Variants in NRCAM observed in about 807,000 individuals in gnomAD.
NRCAM encodes the protein NgCAM-related cell adhesion molecule.
A neutral mutation model predicts 156.5 loss-of-function variants in NRCAM; 83 were observed. The observed-to-expected ratio is 0.53, with a 90% CI of 0.44 to 0.64. The LOEUF (loss-of-function observed/expected upper bound fraction) is 0.64. Among genes scored for constraint, NRCAM ranks in the 30% least tolerant of loss-of-function variants. The pLI, the probability that NRCAM is intolerant of heterozygous loss-of-function variation, is 0.00. For missense variants in NRCAM, 1,417 were observed against 1,597.3 expected (o/e 0.89, Z 1.92); for synonymous variants, 538 against 563.9 (o/e 0.95, Z 0.65).
At chr7:108,232,601 T>C (rs552537650) in intron 6 of NRCAM, 79 bp from the exon 7 acceptor site, 3 of 992,504 alleles carry the variant, frequency 3.0e-6, no homozygotes, top group African/African-American at 3.3e-5. Flanking sequence ...AGCAGTTTTA[T>C]GGGTTTCTAG....
rs563609717 is a variant in NRCAM at position 108,166,581 on chromosome 7, T to A, written c.3466+340A>T. 4.6e-5 allele frequency among the ~76,000 whole-genome samples: 7 copies of A among 152,250 alleles called. No homozygotes were observed. The East Asian group carries it at 1.2e-3, about 25-fold the overall frequency. ...GACTTTCTTATAAGTTCTTTCATCT[T>A]CAAAAGCACTTAAAAAATTTCAGTT... On this transcript the variant is annotated intron_variant, in intron 30 of 32. Transcript: ENST00000379028.
chr7:108,175,328 C>A lies in NRCAM; in HGVS notation c.3181G>T (p.Gly1061Cys). Residue 1061 changes from glycine (G) to cysteine (C), a missense_variant, in exon 28 of 33, where the codon GGC (glycine) becomes TGC (cysteine). This residue lies in a region of NRCAM where 1,238 missense variants were observed against 1,336.4 expected (regional missense o/e 0.93). Transcript: ENST00000379028. ...TGCAGATGAATTATTTTACCTTTGC[C>A]TGCACCTACATCAGGTGGAAGAATA... ...AGILPPDVGA[G>C]KVQAVNPRIS... 6.4e-7 allele frequency: 1 copy of A among 1,559,576 alleles called. No homozygotes were observed.
At chr7:108,166,652 C>A (rs527798219) in intron 30 of NRCAM, among the ~76,000 whole-genome samples, 221 of 152,284 alleles carry the variant, frequency 1.5e-3, no homozygotes, top group African/African-American at 5.1e-3. Context: ...CAATTGAATT[C>A]TTTAAATAAT....
chr7:108,231,610 G>C (rs987748114), intron 7 of NRCAM, among the ~76,000 whole-genome samples: 1 of 152,182 alleles, frequency 6.6e-6, no homozygotes, highest in African/African-American at 2.4e-5. Flanking sequence ...AAGGTTGTAA[G>C]ATAGTATTTC....
At chr7:108,386,100 G>A (rs2154366507) in intron 2 of NRCAM, among the ~76,000 whole-genome samples, 1 of 152,172 alleles carries the variant, frequency 6.6e-6, no homozygotes, top group East Asian at 1.9e-4. Flanking sequence ...AAGGATGCAG[G>A]AACTAGAAAT....
At chr7:108,189,570 T>G in intron 20 of NRCAM, 75 bp downstream of exon 20, 1 of 726,832 alleles carries the variant, frequency 1.4e-6, no homozygotes, top group South Asian at 1.6e-5. Flanking sequence ...TGTGAGGAAA[T>G]TCAGCTGACT....
intron 4 of NRCAM, 53 bp downstream of exon 4, chr7:108,239,906 T>C: frequency 2.8e-6 from 3 of 1,089,698 alleles, no homozygotes; most frequent in Non-Finnish European, 1.4e-6. Flanking sequence ...TGATGATAAA[T>C]GCTGGGAGGC....
chr7:108,307,445 T>C (rs2098733687), intron 3 of NRCAM, among the ~76,000 whole-genome samples: 1 of 152,236 alleles, frequency 6.6e-6, no homozygotes, highest in Admixed American at 6.5e-5. Flanking sequence ...CACCATATCC[T>C]ACTCGACTCT....
At chr7:108,342,454 G>A (rs1345732537) in intron 2 of NRCAM, among the ~76,000 whole-genome samples, 3 of 152,180 alleles carry the variant, frequency 2.0e-5, no homozygotes, top group South Asian at 4.1e-4. Context: ...TCCCAGGTAC[G>A]GCGAAATAGC....
At chr7:108,271,671 T>C (rs2300007) in intron 3 of NRCAM, among the ~76,000 whole-genome samples, 6,479 of 150,662 alleles carry the variant, frequency 0.043, 186 homozygotes, top group South Asian at 0.11. Flanking sequence ...CCAGCCTGGG[T>C]GACAACAGTG....
Position 108,178,083 on chromosome 7 carries a change from C to A in NRCAM, c.2881G>T (p.Val961Leu). ...GTGAGAGAGTCCAGTGTTGGATTCA[C>A]AATCTTCAAAGACGAGGGAGCACTG... ...VPSAPSSLKIVNPTLDSLTLE... is the reference protein window; with the variant it reads ...VPSAPSSLKILNPTLDSLTLE... Residue 961 changes from valine to leucine, a missense_variant, in exon 26 of 33, where the codon GTG becomes TTG. Physicochemically the swap from Val to Leu is conservative, Grantham distance 32 (BLOSUM62 1). Transcript: ENST00000379028. 6.2e-7 allele frequency: 1 copy of A among 1,613,372 alleles called. No individual in the cohort carries two copies. Among genetic ancestry groups the A allele is most frequent in the Non-Finnish European group, 8.5e-7 (1 of 1,179,620 alleles).
intron 2 of NRCAM, among the ~76,000 whole-genome samples, chr7:108,332,256 T>A (rs547607082): frequency 3.4e-4 from 52 of 152,306 alleles, no homozygotes; most frequent in African/African-American, 1.2e-3. Context: ...ATAGGCAAAA[T>A]GCCAAAATTC....
chr7:108,291,957 A>T (rs1395236771), intron 3 of NRCAM, among the ~76,000 whole-genome samples: 1 of 152,210 alleles, frequency 6.6e-6, no homozygotes, highest in Non-Finnish European at 1.5e-5. Flanking sequence ...AAGCAGTTAA[A>T]GCTAAAGAAT....
intron 1 of NRCAM, among the ~76,000 whole-genome samples, chr7:108,415,637 T>G (rs951749754): frequency 1.3e-5 from 2 of 152,166 alleles, no homozygotes; most frequent in Admixed American, 6.5e-5. Flanking sequence ...TCCCAGCACT[T>G]TGGGAGGCCA....
intron 1 of NRCAM, among the ~76,000 whole-genome samples, chr7:108,414,791 A>G (rs1990162): frequency 6.6e-6 from 1 of 151,880 alleles, no homozygotes; most frequent in Non-Finnish European, 1.5e-5. Context: ...GAAGACAGAG[A>G]AGGGGGGAAG....
At chr7:108,263,327 G>A (rs1401328298) in intron 3 of NRCAM, among the ~76,000 whole-genome samples, 1 of 152,192 alleles carries the variant, frequency 6.6e-6, no homozygotes, top group Non-Finnish European at 1.5e-5. Flanking sequence ...GAGAACTGAT[G>A]TTCTTTCTCT....
intron 1 of NRCAM, among the ~76,000 whole-genome samples, chr7:108,433,424 A>T (rs551444677): frequency 1.3e-5 from 2 of 152,282 alleles, no homozygotes; most frequent in East Asian, 3.9e-4. Context: ...GGTTTGGGAG[A>T]CCAGCAGCAC....
At chr7:108,361,543 T>C (rs183891958) in intron 2 of NRCAM, among the ~76,000 whole-genome samples, 1 of 152,332 alleles carries the variant, frequency 6.6e-6, no homozygotes, top group African/African-American at 2.4e-5. Flanking sequence ...GGACATTGAC[T>C]TTTTCTGCCT....
chr7:108,441,723 T>G (rs988902154), intron 1 of NRCAM, among the ~76,000 whole-genome samples: 5 of 152,214 alleles, frequency 3.3e-5, no homozygotes, highest in African/African-American at 1.2e-4. Context: ...AAAATGAGTA[T>G]AATAGCATAA....
Sources: allele counts gnomAD v4.1 joint callset (sites outside exome capture counted in the v4.1 genomes callset), GRCh38; gene constraint gnomAD v4.1.1; regional missense constraint gnomAD v4.1.1; transcripts MANE v1.5; gene names NCBI Gene and HGNC (gene_info 2026-07-23, HGNC 2026-07-21).